UBE2V1: variants seen among roughly 807,000 people sequenced by gnomAD.
UBE2V1 encodes the protein ubiquitin-conjugating enzyme E2 variant 1.
Under a neutral mutation model 19.6 loss-of-function variants are expected in UBE2V1, and 15 were observed. The ratio of observed to expected loss-of-function variants is 0.77; its 90% CI spans 0.51 to 1.18. The LOEUF is 1.18. Among genes scored for constraint, UBE2V1 ranks in the 50% most tolerant of loss-of-function variants. The pLI, the probability that UBE2V1 is intolerant of heterozygous loss-of-function variation, is 0.00. For synonymous variants in UBE2V1, 60 were observed against 60.7 expected (o/e 0.99, Z 0.05); for missense variants, 125 against 184.8 (o/e 0.68, Z 1.88).
At chr20:50,115,347 G>C, upstream of UBE2V1, 1 of 1,361,352 alleles carries the variant, frequency 7.3e-7, no homozygotes, top group African/African-American at 1.5e-5. Context: ...CTGGCTACAG[G>C]TGAAGCAACT....
chr20:50,112,389 A>G (rs2080813030), intron 1 of UBE2V1, among the ~76,000 whole-genome samples: 1 of 152,102 alleles, frequency 6.6e-6, no homozygotes, highest in Admixed American at 6.5e-5. Flanking sequence ...CGAACAGGAG[A>G]CTGGTAATGA....
At chr20:50,106,723 G>C (rs527658896) in intron 1 of UBE2V1, among the ~76,000 whole-genome samples, 8 of 152,072 alleles carry the variant, frequency 5.3e-5, no homozygotes, top group African/African-American at 1.9e-4. Flanking sequence ...GAGCTACTCA[G>C]GGGGCTGAGG....
chr20:50,109,836 A>C (rs1201707268), intron 1 of UBE2V1, among the ~76,000 whole-genome samples: 2 of 151,638 alleles, frequency 1.3e-5, no homozygotes, highest in East Asian at 3.9e-4. Flanking sequence ...TCTTTGGCTG[A>C]GCACAATATG....
Position 50,111,519 on chromosome 20 carries a change from TG to T in UBE2V1, c.22+1587del, listed in dbSNP as rs1202286975. On this transcript the variant is annotated intron_variant, in intron 1 of 3. Transcript: ENST00000371674. The stretch of plus-strand genomic sequence containing the variant: ...TCAGAATCTCTCTTCTGGGAGTGCC[TG>T]GGGCAGCGTCATGGTAAATGAATTG... 3 of 1,000,196 alleles carry T rather than the reference TG, an allele frequency of 3.0e-6. No homozygotes were observed. The African/African-American group carries it at 5.2e-5, about 17-fold the overall frequency. 62.0% of individuals were successfully genotyped at this position (1,000,196 alleles called of 1,614,324 possible). A position where few individuals can be genotyped will look rare whatever the true frequency, so the allele number is the denominator to read the frequency against.
chr20:50,105,083 A>G (rs2147162287), intron 1 of UBE2V1, among the ~76,000 whole-genome samples: 1 of 152,338 alleles, frequency 6.6e-6, no homozygotes, highest in Middle Eastern at 3.4e-3. Context: ...TTTTTAAAAT[A>G]AGGGAAAACT....
At chr20:50,113,783 A>ATTCATTCATTCG (rs1555882046), upstream of UBE2V1, among the ~76,000 whole-genome samples, 20 of 137,256 alleles carry the variant, frequency 1.5e-4, no homozygotes, top group South Asian at 4.6e-3. Flanking sequence ...TCATTCATTC[A>ATTCATTCATTCG]TTCATTCATT....
At chr20:50,101,571 CAAAAAAAAA>C (rs11481618) in intron 1 of UBE2V1, among the ~76,000 whole-genome samples, 41 of 71,194 alleles carry the variant, frequency 5.8e-4, no homozygotes, top group Middle Eastern at 8.2e-3. Context: ...CATTTATAAG[CAAAAAAAAA>C]AAAAAAAAAA....
intron 2 of UBE2V1, among the ~76,000 whole-genome samples, chr20:50,085,304 T>C (rs2078850336): frequency 6.6e-6 from 1 of 152,154 alleles, no homozygotes; most frequent in South Asian, 2.1e-4. Flanking sequence ...AGCAGGGAGA[T>C]GCGCTCTGTT....
chr20:50,111,618 C>T, intron 1 of UBE2V1: 7 of 997,860 alleles, frequency 7.0e-6, no homozygotes, highest in Non-Finnish European at 7.2e-6. Context: ...GCAAGAAGAC[C>T]CCACTGTTTT....
intron 1 of UBE2V1, among the ~76,000 whole-genome samples, chr20:50,101,580 A>G (rs1188979789): frequency 7.0e-6 from 1 of 141,930 alleles, no homozygotes; most frequent in Non-Finnish European, 1.5e-5. Context: ...GCAAAAAAAA[A>G]AAAAAAAAAA....
At chr20:50,105,771 A>T (rs757289819) in intron 1 of UBE2V1, among the ~76,000 whole-genome samples, 1 of 152,188 alleles carries the variant, frequency 6.6e-6, no homozygotes, top group Non-Finnish European at 1.5e-5. Flanking sequence ...CTCTATTAAA[A>T]ATACAAAAAT....
At chr20:50,104,928 T>G (rs933492210) in intron 1 of UBE2V1, among the ~76,000 whole-genome samples, 7 of 151,956 alleles carry the variant, frequency 4.6e-5, no homozygotes, top group Non-Finnish European at 1.0e-4. Flanking sequence ...GGTTTCACCA[T>G]GTTGGCCAGG....
At chr20:50,111,936 T>C (rs2080778919) in intron 1 of UBE2V1, among the ~76,000 whole-genome samples, 2 of 152,126 alleles carry the variant, frequency 1.3e-5, no homozygotes, top group South Asian at 4.1e-4. Flanking sequence ...TTTCACCCCA[T>C]CTGAGAGAAC....
chr20:50,098,476 G>A (rs1274498341), intron 1 of UBE2V1, among the ~76,000 whole-genome samples: 2 of 152,170 alleles, frequency 1.3e-5, no homozygotes, highest in Non-Finnish European at 2.9e-5. Flanking sequence ...GATAATACCC[G>A]TTTGGACCAG....
At chr20:50,112,503 A>G (rs1381377721) in intron 1 of UBE2V1, among the ~76,000 whole-genome samples, 1 of 152,106 alleles carries the variant, frequency 6.6e-6, no homozygotes, top group Non-Finnish European at 1.5e-5. Context: ...CCCCAAAAGC[A>G]GCTGCTCCAA....
At chr20:50,111,830 T>C (rs1434629740) in intron 1 of UBE2V1, among the ~76,000 whole-genome samples, 2 of 152,186 alleles carry the variant, frequency 1.3e-5, no homozygotes, top group Non-Finnish European at 2.9e-5. Flanking sequence ...GCCTTAAATA[T>C]GCCAATGATT....
In UBE2V1 at chr20:50,081,356, A is replaced by AC. The variant is rs931083930; in HGVS notation, c.*1411_*1412insG. 2.0e-5 allele frequency: 3 copies of AC among 152,470 alleles called. No individual in the cohort carries two copies. Among genetic ancestry groups the AC allele is most frequent in the Admixed American group, 1.3e-4 (2 of 15,248 alleles). 9.4% of individuals were successfully genotyped at this position (152,470 alleles called of 1,614,324 possible). A position where few individuals can be genotyped will look rare whatever the true frequency, so the allele number is the denominator to read the frequency against. ...ACACAAATACTAAATTAAAAAAAAA[A>AC]AAAAAACCTTTAGTACACAATGAAT... is the stretch of plus-strand genomic sequence containing the variant. On this transcript the variant is annotated 3_prime_UTR_variant, in exon 4 of 4. Coordinates refer to ENST00000371674, the MANE Select transcript of UBE2V1 (RefSeq NM_001032288.3).
At chr20:50,111,423 C>A in intron 1 of UBE2V1, 1 of 1,000,342 alleles carries the variant, frequency 1.0e-6, no homozygotes. Context: ...GCACACTGGG[C>A]CCCTTCGTTT....
rs558936663 is a variant in UBE2V1 at position 50,102,580 on chromosome 20, C to T, written c.23-5760G>A. 2.5e-3 allele frequency among the ~76,000 whole-genome samples: 373 copies of T among 152,184 alleles called. 1 individual carries two copies. Among genetic ancestry groups the T allele is most frequent in the Non-Finnish European group, 4.4e-3 (298 of 68,000 alleles). On this transcript the variant is annotated intron_variant, in intron 1 of 3. Transcript: ENST00000371674. ...ACTAATTTTGTATTTTTAGTAGAGA[C>T]GGGGTTTTTCCATGTTGGTCAGGCT...
Sources: gnomAD v4.1 joint callset for allele counts (sites outside exome capture counted in the v4.1 genomes callset) on GRCh38, gnomAD v4.1.1 for gene constraint, MANE v1.5 for transcripts, NCBI Gene and HGNC (gene_info 2026-07-23, HGNC 2026-07-21) for gene names.